The following PTH2R variants were observed in gnomAD, a reference collection of about 807,000 sequenced individuals.
PTH2R encodes parathyroid hormone 2 receptor.
In PTH2R, 59 loss-of-function variants were observed where a neutral mutation model predicts 60.3. The observed-to-expected ratio is 0.98, with a 90% CI of 0.79 to 1.22. The LOEUF (loss-of-function observed/expected upper bound fraction) is 1.22. PTH2R is among the 50% of genes most tolerant of loss of function. The pLI is 0.00. For synonymous variants in PTH2R, 256 were observed against 243.8 expected, an observed-to-expected ratio of 1.05 and a Z score of -0.47; for missense variants, 749 against 682.6, an observed-to-expected ratio of 1.10 and a Z score of -1.08.
At chr2:208,399,751 T>C (rs1258826199) in intron 1 of PTH2R, among the ~76,000 whole-genome samples, 1 of 152,168 alleles carries the variant, frequency 6.6e-6, no homozygotes, top group Non-Finnish European at 1.5e-5. Flanking sequence ...ATCATAACCA[T>C]GAGACAACAT....
intron 1 of PTH2R, among the ~76,000 whole-genome samples, chr2:208,427,664 A>G (rs1013724602): frequency 6.6e-6 from 1 of 152,124 alleles, no homozygotes; most frequent in African/African-American, 2.4e-5. Flanking sequence ...AATGTTTGTT[A>G]TTTTAAATCA....
chr2:208,453,637 G>T lies in PTH2R; in HGVS notation c.914+2828G>T, dbSNP rs573138210. 6.0e-4 allele frequency among the ~76,000 whole-genome samples: 91 copies of T among 152,136 alleles called. No homozygotes were observed. In the Middle Eastern group the frequency reaches 0.01, roughly 17 times the overall value. ...TCGGCTGACCATTTTTTCTCTCTTT[G>T]CTCCATATCTATTAAGCAATGATAA... is the stretch of plus-strand genomic sequence containing the variant. On this transcript the variant is annotated intron_variant, in intron 8 of 12. Coordinates refer to ENST00000272847, the MANE Select transcript of PTH2R (RefSeq NM_005048.4).
At chr2:208,421,896 G>A (rs765159709) in intron 1 of PTH2R, among the ~76,000 whole-genome samples, 4 of 152,230 alleles carry the variant, frequency 2.6e-5, no homozygotes, top group South Asian at 2.1e-4. Flanking sequence ...CTCAGACTAC[G>A]GAAAATAGAA....
intron 4 of PTH2R, among the ~76,000 whole-genome samples, chr2:208,438,833 A>G (rs1298320780): frequency 6.6e-6 from 1 of 152,156 alleles, no homozygotes; most frequent in African/African-American, 2.4e-5. Context: ...TTGATTTTGC[A>G]TTAATAGAAC....
chr2:208,436,045 A>G (rs1229756582), intron 2 of PTH2R, among the ~76,000 whole-genome samples: 2 of 152,150 alleles, frequency 1.3e-5, no homozygotes, highest in Non-Finnish European at 2.9e-5. Context: ...TTAATCCTCC[A>G]CCAAGTGCCA....
intron 10 of PTH2R, among the ~76,000 whole-genome samples, chr2:208,487,476 C>G (rs1404934170): frequency 2.0e-5 from 3 of 152,138 alleles, no homozygotes; most frequent in Non-Finnish European, 4.4e-5. Context: ...AAAGAAGAAG[C>G]CAGATTTGGC....
intron 9 of PTH2R, among the ~76,000 whole-genome samples, chr2:208,470,882 T>C (rs1324502458): frequency 6.6e-6 from 1 of 152,170 alleles, no homozygotes; most frequent in African/African-American, 2.4e-5. Context: ...ACCAAAATGC[T>C]GATAATGGTG....
At chr2:208,365,952 ATATATATATTTTTTTTTTTTTTTTTT>A (rs1700579397) in intron 1 of PTH2R, among the ~76,000 whole-genome samples, 1 of 19,410 alleles carries the variant, frequency 5.2e-5, no homozygotes, top group Non-Finnish European at 9.1e-5. Flanking sequence ...ATATATATAT[ATATATATATTTTTTTTTTTTTTTTTT>A]TTTTTTTTTT....
intron 1 of PTH2R, among the ~76,000 whole-genome samples, chr2:208,417,871 T>C (rs920383131): frequency 2.0e-5 from 3 of 152,222 alleles, no homozygotes; most frequent in Non-Finnish European, 4.4e-5. Flanking sequence ...AGTAGATCAG[T>C]CTTGCTTATC....
intron 1 of PTH2R, among the ~76,000 whole-genome samples, chr2:208,394,186 A>G (rs1349336142): frequency 6.6e-6 from 1 of 152,202 alleles, no homozygotes; most frequent in Non-Finnish European, 1.5e-5. Flanking sequence ...AAGGCTCCCC[A>G]CTAGCAGGCC....
intron 9 of PTH2R, among the ~76,000 whole-genome samples, chr2:208,474,388 A>G (rs146338108): frequency 6.6e-6 from 1 of 152,306 alleles, no homozygotes; most frequent in African/African-American, 2.4e-5. Flanking sequence ...CGCCATCATG[A>G]AGTTCAGAAT....
chr2:208,413,753 A>G (rs1190435074), intron 1 of PTH2R, among the ~76,000 whole-genome samples: 1 of 152,248 alleles, frequency 6.6e-6, no homozygotes, highest in East Asian at 1.9e-4. Flanking sequence ...TAAGGGTTGA[A>G]GAAGGAAGAA....
chr2:208,428,330 C>T (rs1701899691), intron 2 of PTH2R, 27 bp downstream of exon 2: 2 of 1,454,876 alleles, frequency 1.4e-6, no homozygotes, highest in Non-Finnish European at 1.9e-6. Context: ...AATTGGCTCT[C>T]CTTGTGCCTC....
upstream of PTH2R, among the ~76,000 whole-genome samples, chr2:208,405,610 G>T (rs981102273): frequency 5.3e-5 from 8 of 152,072 alleles, no homozygotes; most frequent in African/African-American, 1.9e-4. Context: ...AACGATACTA[G>T]CTAATACTTA....
chr2:208,469,702 GA>G (rs1178072041), intron 9 of PTH2R: 1 of 152,182 alleles, frequency 6.6e-6, no homozygotes, highest in Non-Finnish European at 1.5e-5. Flanking sequence ...ATTTTGTTCT[GA>G]AAATAAATGT....
In PTH2R at chr2:208,490,583, T is replaced by C. The variant is rs796529214; in HGVS notation, c.1216-56T>C. ...ACGTACACATTTTGGCACAAGATGC[T>C]TAAGTGCTGTGAGTTTCTGAGTTGG... On this transcript the variant is annotated intron_variant, in intron 11 of 12. Transcript: ENST00000272847. 3.2e-6 allele frequency: 5 copies of C among 1,571,722 alleles called. No individual in the cohort carries two copies. The African/African-American group carries it at 6.9e-5, about 22-fold the overall frequency.
At chr2:208,359,934 G>A (rs903380031) in exon 1 of PTH2R, 9 of 240,664 alleles carry the variant, frequency 3.7e-5, no homozygotes, top group Non-Finnish European at 7.7e-5. Flanking sequence ...TCTGCGGGGC[G>A]CCCAGTCACT....
intron 9 of PTH2R, among the ~76,000 whole-genome samples, chr2:208,478,945 A>G (rs1355856102): frequency 6.6e-6 from 1 of 152,194 alleles, no homozygotes; most frequent in Non-Finnish European, 1.5e-5. Flanking sequence ...GTTAGTAGTC[A>G]ATAACTTAGT....
At chr2:208,408,042 A>C (rs961484440) in intron 1 of PTH2R, among the ~76,000 whole-genome samples, 1 of 152,202 alleles carries the variant, frequency 6.6e-6, no homozygotes, top group Non-Finnish European at 1.5e-5. Flanking sequence ...AATTATTCTA[A>C]AAGTGCAGTT....
Sources: allele counts gnomAD v4.1 joint callset (sites outside exome capture counted in the v4.1 genomes callset), GRCh38; gene constraint gnomAD v4.1.1; transcripts MANE v1.5; gene names NCBI Gene and HGNC (gene_info 2026-07-23, HGNC 2026-07-21).